SAE1: variants seen among roughly 807,000 people sequenced by gnomAD.
SAE1 encodes SUMO1 activating enzyme subunit 1, also known as SUMO-activating enzyme subunit 1.
In SAE1, 11 loss-of-function variants were observed where a neutral mutation model predicts 40.6. The observed-to-expected ratio is 0.27, with a 90% confidence interval of 0.17 to 0.45. The LOEUF (loss-of-function observed/expected upper bound fraction) is 0.45, where lower values mean the gene tolerates loss of function less well. Ranked by LOEUF, SAE1 falls within the 20% of genes least tolerant of loss-of-function variation. The pLI is 1.00. For synonymous variants in SAE1, 155 were observed against 154.3 expected, an observed-to-expected ratio of 1.00 and a Z score of -0.03; for missense variants, 373 against 427.3, an observed-to-expected ratio of 0.87 and a Z score of 1.12.
chr19:47,196,200 A>AT (rs1049507543), intron 6 of SAE1, among the ~76,000 whole-genome samples: 26 of 149,076 alleles, frequency 1.7e-4, no homozygotes, highest in Non-Finnish European at 2.8e-4. Flanking sequence ...TGCCTGGCTA[A>AT]TTTTTTTTAT....
intron 5 of SAE1, among the ~76,000 whole-genome samples, chr19:47,167,438 C>T (rs1450181515): frequency 2.6e-5 from 4 of 151,760 alleles, no homozygotes; most frequent in South Asian, 2.1e-4. Context: ...GACGGAGTTT[C>T]GCCATGTTAG....
chr19:47,144,246 A>T (rs186518237), intron 2 of SAE1, among the ~76,000 whole-genome samples: 39 of 152,280 alleles, frequency 2.6e-4, no homozygotes, highest in Non-Finnish European at 5.1e-4. Context: ...AGGCACAAGA[A>T]TCGCTTGAAT....
At position 47,199,098 on chromosome 19, in the gene SAE1, A is replaced by G. The variant is rs1003326174; in HGVS notation, c.878+1721A>G. Among the ~76,000 whole-genome samples, 3 of 151,054 alleles carry G rather than the reference A, an allele frequency of 2.0e-5. No homozygotes were observed. In the South Asian group the frequency reaches 6.3e-4, roughly 31 times the overall value. ...AGAGAGACCGTGTCTCAATACATAT[A>G]GCGTAAGGCTGGGCGCGGTGGCTCA... On this transcript the variant is annotated intron_variant, in intron 7 of 8. Transcript: ENST00000270225.
rs756081635 is a variant in SAE1 at position 47,130,893 on chromosome 19, T to C, written c.-38T>C. Reference sequence around the variant, plus strand: ...GCGCGGGTCCGGCGGGCGGTTGGCTTGAGCGGGACCGGAGCTGAGGCAGGA... The same window carrying C: ...GCGCGGGTCCGGCGGGCGGTTGGCTCGAGCGGGACCGGAGCTGAGGCAGGA... On this transcript the variant is annotated 5_prime_UTR_variant, in exon 1 of 9. Coordinates refer to ENST00000270225, the MANE Select transcript of SAE1 (RefSeq NM_005500.3). 5.2e-6 allele frequency: 8 copies of C among 1,547,496 alleles called. No homozygotes were observed. The South Asian group carries it at 9.5e-5, about 18-fold the overall frequency.
chr19:47,158,648 C>G (rs1301895642), intron 5 of SAE1, among the ~76,000 whole-genome samples: 1 of 152,208 alleles, frequency 6.6e-6, no homozygotes, highest in African/African-American at 2.4e-5. Context: ...GTTGCTGTGG[C>G]TGCCCTCACT....
intron 1 of SAE1, among the ~76,000 whole-genome samples, chr19:47,133,639 T>C (rs1211311602): frequency 6.6e-6 from 1 of 152,152 alleles, no homozygotes; most frequent in Non-Finnish European, 1.5e-5. Context: ...TATTGGTGGC[T>C]TGAAACTCAA....
At chr19:47,177,099 C>T (rs910938419) in intron 6 of SAE1, among the ~76,000 whole-genome samples, 1 of 152,218 alleles carries the variant, frequency 6.6e-6, no homozygotes, top group Non-Finnish European at 1.5e-5. Flanking sequence ...TCTTAACTTG[C>T]TCAGTCTCTG....
intron 7 of SAE1, among the ~76,000 whole-genome samples, chr19:47,203,403 CT>C (rs1181215941): frequency 1.3e-5 from 2 of 152,170 alleles, no homozygotes; most frequent in Non-Finnish European, 2.9e-5. Context: ...CAGATATAGT[CT>C]TTCCTTTAAC....
intron 1 of SAE1, among the ~76,000 whole-genome samples, chr19:47,136,546 A>G (rs1600144753): frequency 7.4e-6 from 1 of 134,486 alleles, no homozygotes; most frequent in African/African-American, 2.8e-5. Flanking sequence ...CCCAGACTGG[A>G]GTATGGTGGC....
intron 5 of SAE1, among the ~76,000 whole-genome samples, chr19:47,167,819 AT>A (rs1290355790): frequency 2.0e-5 from 3 of 151,930 alleles, no homozygotes; most frequent in African/African-American, 7.3e-5. Context: ...GCCTAAAATA[AT>A]TTTTTTTAGA....
intron 6 of SAE1, among the ~76,000 whole-genome samples, chr19:47,192,553 T>A (rs1416496240): frequency 6.6e-6 from 1 of 151,684 alleles, no homozygotes; most frequent in Non-Finnish European, 1.5e-5. Flanking sequence ...GGCTACTTAA[T>A]TTATTTTTTG....
chr19:47,195,023 G>A (rs913800554), intron 6 of SAE1, among the ~76,000 whole-genome samples: 9 of 149,618 alleles, frequency 6.0e-5, no homozygotes, highest in East Asian at 2.0e-4. Context: ...GATTACAGAC[G>A]TTACAGACGT....
chr19:47,150,180 A>T (rs1206346840), intron 2 of SAE1, 22 bp from the exon 3 acceptor site: 1 of 1,484,792 alleles, frequency 6.7e-7, no homozygotes, highest in African/African-American at 1.4e-5. Flanking sequence ...AAGACTTAAA[A>T]AAATATGTGT....
At position 47,176,667 on chromosome 19, in the gene SAE1, C is replaced by T. The variant is rs193116712; in HGVS notation, c.733+6744C>T. 7.0e-4 allele frequency among the ~76,000 whole-genome samples: 106 copies of T among 152,226 alleles called. 2 individuals are homozygous for T. Among genetic ancestry groups the T allele is most frequent in the Admixed American group, 2.6e-3 (39 of 15,290 alleles). On this transcript the variant is annotated intron_variant, in intron 6 of 8. Transcript: ENST00000270225. ...CACAGGTAGATGTTTTTTATTGCCC[C>T]ATTCACAATTCAGCCACCTGCTGTC... is the stretch of plus-strand genomic sequence containing the variant.
chr19:47,190,677 G>C (rs967526485), intron 6 of SAE1, among the ~76,000 whole-genome samples: 1 of 152,210 alleles, frequency 6.6e-6, no homozygotes, highest in Non-Finnish European at 1.5e-5. Flanking sequence ...CCAGGAACAG[G>C]CAAGGGTCCC....
chr19:47,188,961 G>A (rs1473050415), intron 6 of SAE1, among the ~76,000 whole-genome samples: 1 of 152,140 alleles, frequency 6.6e-6, no homozygotes, highest in African/African-American at 2.4e-5. Flanking sequence ...GCCCCTTTTC[G>A]AGTTAGGACA....
chr19:47,144,227 G>A (rs547596296), intron 2 of SAE1, among the ~76,000 whole-genome samples: 1 of 152,188 alleles, frequency 6.6e-6, no homozygotes, highest in Non-Finnish European at 1.5e-5. Context: ...CCAGCTACTC[G>A]GGAGGCTGAG....
chr19:47,174,764 G>A (rs975535910), intron 6 of SAE1, among the ~76,000 whole-genome samples: 7 of 151,560 alleles, frequency 4.6e-5, no homozygotes, highest in Admixed American at 3.3e-4. Flanking sequence ...TAGTAGAGAC[G>A]GGGTTTCACC....
intron 6 of SAE1, among the ~76,000 whole-genome samples, chr19:47,174,954 C>G (rs986818965): frequency 6.6e-6 from 1 of 152,164 alleles, no homozygotes; most frequent in South Asian, 2.1e-4. Flanking sequence ...GGTGATCCTC[C>G]TGCCTCGGTC....
Sources: allele counts gnomAD v4.1 joint callset (sites outside exome capture counted in the v4.1 genomes callset), GRCh38; gene constraint gnomAD v4.1.1; transcripts MANE v1.5; gene names NCBI Gene and HGNC (gene_info 2026-07-23, HGNC 2026-07-21).